The following DOCK10 variants were observed in gnomAD, a reference collection of about 807,000 sequenced individuals.
DOCK10 encodes the protein dedicator of cytokinesis 10.
DOCK10 carries 145 observed loss-of-function variants against 280.1 expected under a neutral mutation model. The observed-to-expected ratio is 0.52, with a 90% CI of 0.45 to 0.59. The LOEUF (loss-of-function observed/expected upper bound fraction) is 0.59. Ranked by LOEUF, DOCK10 falls within the 20% of genes least tolerant of loss-of-function variation. The pLI is 0.00. For missense variants in DOCK10, 2,368 were observed against 2,651.7 expected (o/e 0.89, Z 2.35); for synonymous variants, 915 against 942.2 (o/e 0.97, Z 0.53).
chr2:224,981,003 T>C (rs1705718741), intron 1 of DOCK10, among the ~76,000 whole-genome samples: 1 of 152,038 alleles, frequency 6.6e-6, no homozygotes, highest in South Asian at 2.1e-4. Flanking sequence ...ATTAGAAAAA[T>C]AAGACTTACT....
intron 3 of DOCK10, among the ~76,000 whole-genome samples, chr2:224,908,166 T>TG (rs1700776945): frequency 1.4e-4 from 19 of 136,350 alleles, no homozygotes; most frequent in Middle Eastern, 3.8e-3. Context: ...TTTAAATGAG[T>TG]TGTGTGTGTG....
chr2:225,009,651 A>AAG (rs71407969), intron 1 of DOCK10, among the ~76,000 whole-genome samples: 224 of 147,858 alleles, frequency 1.5e-3, no homozygotes, highest in African/African-American at 5.1e-3. Flanking sequence ...AAAAAAAAAA[A>AAG]GAAAGAAAAA....
intron 1 of DOCK10, among the ~76,000 whole-genome samples, chr2:224,994,891 C>T (rs1706227373): frequency 6.6e-6 from 1 of 152,212 alleles, no homozygotes; most frequent in African/African-American, 2.4e-5. Flanking sequence ...TGTTATCTCA[C>T]AGTTTCTGTG....
intron 1 of DOCK10, among the ~76,000 whole-genome samples, chr2:224,943,195 CT>C (rs1308339448): frequency 1.3e-5 from 2 of 152,106 alleles, no homozygotes; most frequent in Non-Finnish European, 2.9e-5. Flanking sequence ...TTTCCTTAAG[CT>C]TTTTTCATAA....
chr2:224,803,378 C>A (rs1446213084), intron 39 of DOCK10, among the ~76,000 whole-genome samples: 2 of 151,810 alleles, frequency 1.3e-5, no homozygotes, highest in Non-Finnish European at 2.9e-5. Flanking sequence ...CTATGTACGA[C>A]TCTTATATTT....
intron 28 of DOCK10, among the ~76,000 whole-genome samples, chr2:224,821,174 T>C (rs1438698646): frequency 1.3e-5 from 2 of 152,240 alleles, no homozygotes; most frequent in Non-Finnish European, 2.9e-5. Context: ...AGGCTACCTT[T>C]TAATGTAGAA....
Position 225,042,047 on chromosome 2 carries a change from G to C in DOCK10, c.123+205C>G, listed in dbSNP as rs192885308. ...CTCTGAGCGTCCCGCGTGCACAAAC[G>C]CGCCCCCGGTCCTTACGCGTCGGTG... On this transcript the variant is annotated intron_variant, in intron 1 of 55. Transcript: ENST00000258390. This position sits in a 1 kb window ranked among gnomAD's most constrained non-coding sequence, Gnocchi z 5.1. 5.7e-3 allele frequency among the ~76,000 whole-genome samples: 874 copies of C among 152,340 alleles called. 3 individuals carry two copies. Among genetic ancestry groups the C allele is most frequent in the Non-Finnish European group, 7.9e-3 (535 of 68,026 alleles).
chr2:225,034,917 C>A (rs139355479), intron 1 of DOCK10, among the ~76,000 whole-genome samples: 1 of 152,118 alleles, frequency 6.6e-6, no homozygotes, highest in Non-Finnish European at 1.5e-5. Context: ...AGGGTATGAA[C>A]TCTCACCCTC....
chr2:224,802,089 G>T, intron 39 of DOCK10, 49 bp from the exon 40 acceptor site: 1 of 1,578,688 alleles, frequency 6.3e-7, no homozygotes, highest in Non-Finnish European at 8.6e-7. Context: ...GGATGTTATA[G>T]CCAAATAACA....
At chr2:225,035,014 C>G (rs867700904) in intron 1 of DOCK10, among the ~76,000 whole-genome samples, 7 of 152,122 alleles carry the variant, frequency 4.6e-5, no homozygotes, top group Non-Finnish European at 1.0e-4. Flanking sequence ...AACTCTGGGA[C>G]AAAGAAGTGG....
chr2:224,931,504 G>A, intron 2 of DOCK10, 45 bp downstream of exon 2: 1 of 1,560,498 alleles, frequency 6.4e-7, no homozygotes, highest in Non-Finnish European at 8.7e-7. Flanking sequence ...GACCCAATGT[G>A]TAGGGCCCTC....
intron 1 of DOCK10, among the ~76,000 whole-genome samples, chr2:224,995,796 T>C (rs902268752): frequency 1.3e-5 from 2 of 152,220 alleles, no homozygotes; most frequent in African/African-American, 4.8e-5. Context: ...GAGAAAAAGG[T>C]ATTATATCAG....
At position 224,960,730 on chromosome 2, in the gene DOCK10, C is replaced by CTTTTTTT. The variant is rs71281764; in HGVS notation, c.124-29069_124-29063dup. 6.5e-4 allele frequency among the ~76,000 whole-genome samples: 46 copies of CTTTTTTT among 70,256 alleles called. 5 individuals are homozygous for CTTTTTTT. The highest frequency in any genetic ancestry group is 1.9e-3 in the African/African-American group (35 of 18,488). The allele number at this position is 70,256 out of a possible 152,430, so 46.1% of individuals were successfully genotyped here. Reference sequence around the variant, plus strand: ...TGCACAATGAACGCATCACCAAATTCTTTTTTTTTTTTTTTTTTTTTTTTT... The same window carrying CTTTTTTT: ...TGCACAATGAACGCATCACCAAATTCTTTTTTTTTTTTTTTTTTTTTTTTTTTTTTTT... On this transcript the variant is annotated intron_variant, in intron 1 of 55. Transcript: ENST00000258390.
chr2:224,852,791 C>A, intron 17 of DOCK10, 144 bp downstream of exon 17: 1 of 619,144 alleles, frequency 1.6e-6, no homozygotes, highest in Non-Finnish European at 2.6e-6. Flanking sequence ...CTCATCAGTG[C>A]CTCTTACTAA....
intron 39 of DOCK10, among the ~76,000 whole-genome samples, chr2:224,802,919 A>G (rs1693115753): frequency 6.6e-6 from 1 of 152,148 alleles, no homozygotes; most frequent in African/African-American, 2.4e-5. Context: ...TGGCTAAATC[A>G]GAAAACCTGG....
intron 1 of DOCK10, among the ~76,000 whole-genome samples, chr2:224,940,686 A>T (rs941438144): frequency 7.9e-5 from 12 of 151,940 alleles, no homozygotes; most frequent in African/African-American, 2.9e-4. Flanking sequence ...TCAACCCATC[A>T]CTCTCCTATG....
intron 19 of DOCK10, 89 bp from the exon 20 acceptor site, chr2:224,845,731 T>G: frequency 8.4e-7 from 1 of 1,189,078 alleles, no homozygotes; most frequent in Non-Finnish European, 1.2e-6. Context: ...TAAACAATCT[T>G]TTTTTTTTTT....
intron 1 of DOCK10, among the ~76,000 whole-genome samples, chr2:224,958,323 A>C (rs181722425): frequency 2.0e-5 from 3 of 152,178 alleles, no homozygotes; most frequent in African/African-American, 7.2e-5. Flanking sequence ...TAGGAGGAGG[A>C]GCTCCGGGCA....
At chr2:224,945,520 A>G (rs1279056921) in intron 1 of DOCK10, among the ~76,000 whole-genome samples, 1 of 152,146 alleles carries the variant, frequency 6.6e-6, no homozygotes, top group Non-Finnish European at 1.5e-5. Context: ...AACTGAACAA[A>G]CAACAACACA....
Sources: allele counts gnomAD v4.1 joint callset (sites outside exome capture counted in the v4.1 genomes callset), GRCh38; gene constraint gnomAD v4.1.1; non-coding constraint Gnocchi (gnomAD v3.1); transcripts MANE v1.5; gene names NCBI Gene and HGNC (gene_info 2026-07-23, HGNC 2026-07-21).